The following SEPTIN2 variants were observed in gnomAD, a reference collection of about 807,000 sequenced individuals.
SEPTIN2 encodes septin-2.
Under a neutral mutation model 46.5 loss-of-function variants are expected in SEPTIN2, and 34 were observed. The ratio of observed to expected loss-of-function variants is 0.73; its 90% CI spans 0.56 to 0.97. SEPTIN2 has a LOEUF of 0.97. Ranked by LOEUF, SEPTIN2 falls within the 50% of genes least tolerant of loss-of-function variation. SEPTIN2 has a pLI of 0.00. For missense variants in SEPTIN2, 347 were observed against 448.4 expected, an observed-to-expected ratio of 0.77 and a Z score of 2.04; for synonymous variants, 175 against 153.4, an observed-to-expected ratio of 1.14 and a Z score of -1.04.
At chr2:241,348,571 T>A (rs572297418) in intron 11 of SEPTIN2, among the ~76,000 whole-genome samples, 25 of 152,258 alleles carry the variant, frequency 1.6e-4, no homozygotes, top group African/African-American at 6.0e-4. Flanking sequence ...TTTGTTTACA[T>A]CCGTAGATAT....
chr2:241,316,201 G>A (rs537269241), intron 1 of SEPTIN2: 1 of 311,064 alleles, frequency 3.2e-6, no homozygotes, highest in Non-Finnish European at 5.9e-6. Context: ...CAGTGGCTCC[G>A]ACACGGGCAG....
chr2:241,344,366 G>A (rs932304538), intron 9 of SEPTIN2, among the ~76,000 whole-genome samples: 1 of 152,114 alleles, frequency 6.6e-6, no homozygotes, highest in African/African-American at 2.4e-5. Context: ...ATTATTAATA[G>A]CAATTACAGA....
chr2:241,337,050 C>T (rs370752139), intron 5 of SEPTIN2: 15 of 173,908 alleles, frequency 8.6e-5, no homozygotes, highest in African/African-American at 3.1e-4. Context: ...GCCGAGATCA[C>T]GCCACTGCAC....
intron 4 of SEPTIN2, 172 bp downstream of exon 4, chr2:241,335,384 G>A (rs1233957037): frequency 3.2e-6 from 5 of 1,550,014 alleles, no homozygotes; most frequent in Non-Finnish European, 4.4e-6. Context: ...CTTGGATTTG[G>A]GTTGTAGACT....
chr2:241,328,197 G>T (rs541158407), intron 3 of SEPTIN2, among the ~76,000 whole-genome samples: 5 of 152,338 alleles, frequency 3.3e-5, no homozygotes, highest in Admixed American at 2.6e-4. Context: ...CACTCTGGGA[G>T]GCCAGAGCGG....
In SEPTIN2 at chr2:241,353,169, C is replaced by CA. The variant is rs2060904685; in HGVS notation, c.*1233dup. ...TATTTTTAGCCATTGTCGTTTCATT[C>CA]ATTTTGTGTAATATAAACCGTGTGT... is the stretch of plus-strand genomic sequence containing the variant. On this transcript the variant is annotated 3_prime_UTR_variant, in exon 13 of 13. Transcript: ENST00000391971. The CA allele has an allele frequency of 6.6e-6, 1 of 152,148 alleles. No homozygotes were observed. Among genetic ancestry groups the CA allele is most frequent in the African/African-American group, 2.4e-5 (1 of 41,412 alleles). The allele number at this position is 152,148 out of a possible 1,614,324, so 9.4% of individuals were successfully genotyped here.
intron 3 of SEPTIN2, among the ~76,000 whole-genome samples, chr2:241,330,249 A>G (rs992396689): frequency 2.0e-5 from 3 of 152,126 alleles, no homozygotes; most frequent in East Asian, 3.9e-4. Context: ...ATGAATAAAC[A>G]CCACAGGGCT....
intron 3 of SEPTIN2, 87 bp from the exon 4 acceptor site, chr2:241,335,039 C>A: frequency 3.6e-6 from 3 of 835,338 alleles, no homozygotes; most frequent in East Asian, 5.1e-5. Flanking sequence ...GGTACTTAGC[C>A]CAGTACCAGG....
chr2:241,352,841 T>C lies in SEPTIN2; in HGVS notation c.*904T>C, dbSNP rs1459417659. 3 of 152,236 alleles carry C rather than the reference T, an allele frequency of 2.0e-5. No homozygotes were observed. The highest frequency in any genetic ancestry group is 4.4e-5 in the Non-Finnish European group (3 of 68,042). 9.4% of individuals were successfully genotyped at this position (152,236 alleles called of 1,614,324 possible). The stretch of plus-strand genomic sequence containing the variant: ...AATTAAAAATTTTTTTAAGGAAAAT[T>C]AGCAGTTGGTCTATTCAGAATCAAA... On this transcript the variant is annotated 3_prime_UTR_variant, in exon 13 of 13. Transcript: ENST00000391971.
intron 2 of SEPTIN2, chr2:241,325,267 C>G (rs1166695240): frequency 6.6e-6 from 1 of 152,144 alleles, no homozygotes; most frequent in Non-Finnish European, 1.5e-5. Flanking sequence ...CAGTATGCCA[C>G]TGTCTAGATT....
At chr2:241,322,092 T>C (rs2077211049) in intron 1 of SEPTIN2, among the ~76,000 whole-genome samples, 1 of 152,114 alleles carries the variant, frequency 6.6e-6, no homozygotes, top group African/African-American at 2.4e-5. Flanking sequence ...CTGGGAACAT[T>C]TCCAGTCAAA....
intron 3 of SEPTIN2, 49 bp downstream of exon 3, chr2:241,326,162 T>C (rs751443538): frequency 6.4e-7 from 1 of 1,556,136 alleles, no homozygotes; most frequent in Non-Finnish European, 8.7e-7. Context: ...ATATCTCCCC[T>C]TTCCAATCTC....
chr2:241,336,213 C>A, intron 5 of SEPTIN2, 115 bp downstream of exon 5: 1 of 1,064,330 alleles, frequency 9.4e-7, no homozygotes, highest in Non-Finnish European at 1.3e-6. Flanking sequence ...TAATAAAACA[C>A]CTAGACAATT....
chr2:241,340,097 AAAGT>A (rs906774704), intron 7 of SEPTIN2, among the ~76,000 whole-genome samples: 1 of 152,260 alleles, frequency 6.6e-6, no homozygotes, highest in Non-Finnish European at 1.5e-5. Context: ...AATTTGCTCT[AAAGT>A]AAGTTTGTAA....
intron 3 of SEPTIN2, among the ~76,000 whole-genome samples, chr2:241,330,688 T>C (rs2078851581): frequency 1.3e-5 from 2 of 152,372 alleles, no homozygotes; most frequent in South Asian, 4.1e-4. Flanking sequence ...TACTCTGCTA[T>C]TGTTCCGTAA....
intron 10 of SEPTIN2, 141 bp from the exon 11 acceptor site, chr2:241,347,993 C>T (rs560142944): frequency 6.1e-5 from 37 of 603,946 alleles, no homozygotes; most frequent in African/African-American, 4.0e-4. Flanking sequence ...CCAGCCCGTG[C>T]GACAGAGTGA....
intron 3 of SEPTIN2, among the ~76,000 whole-genome samples, chr2:241,328,626 C>T (rs1260824554): frequency 6.6e-6 from 1 of 151,922 alleles, no homozygotes; most frequent in Non-Finnish European, 1.5e-5. Flanking sequence ...CCTGTAATCC[C>T]AGCTACTCGG....
chr2:241,348,973 AC>A (rs2060526790), intron 11 of SEPTIN2, among the ~76,000 whole-genome samples: 1 of 152,240 alleles, frequency 6.6e-6, no homozygotes, highest in African/African-American at 2.4e-5. Flanking sequence ...CCACAAAGTC[AC>A]CTGAAGAAAA....
At chr2:241,329,374 C>T (rs932622219) in intron 3 of SEPTIN2, among the ~76,000 whole-genome samples, 6 of 152,058 alleles carry the variant, frequency 3.9e-5, no homozygotes, top group Non-Finnish European at 7.4e-5. Context: ...GTGATCCGCC[C>T]GCCTCGGCCT....
Sources: allele counts gnomAD v4.1 joint callset (sites outside exome capture counted in the v4.1 genomes callset), GRCh38; gene constraint gnomAD v4.1.1; transcripts MANE v1.5; gene names NCBI Gene and HGNC (gene_info 2026-07-23, HGNC 2026-07-21).